CFHR3: variants seen among roughly 807,000 people sequenced by gnomAD.
The protein encoded by CFHR3 is complement factor H related 3.
A neutral mutation model predicts 36.0 loss-of-function variants in CFHR3; 22 were observed. That is an observed-to-expected ratio of 0.61 (90% CI 0.44 to 0.87). The LOEUF (loss-of-function observed/expected upper bound fraction) is 0.87, where lower values mean the gene tolerates loss of function less well. Among genes scored for constraint, CFHR3 ranks in the 40% least tolerant of loss-of-function variants. The probability of loss-of-function intolerance (pLI) is 0.00; values close to 1 mark genes in which losing one functional copy is unlikely to be tolerated. For synonymous variants in CFHR3, 97 were observed against 137.4 expected, an observed-to-expected ratio of 0.71 and a Z score of 2.06; for missense variants, 276 against 401.3, an observed-to-expected ratio of 0.69 and a Z score of 2.67.
Position 196,793,317 on chromosome 1 carries a change from A to T in CFHR3, c.797A>T (p.His266Leu). Residue 266 changes from histidine (H) to leucine (L), a missense_variant and splice_region_variant, in exon 6 of 6, where the codon CAT becomes CTT. By Grantham distance (99) the His-to-Leu change is moderately conservative. Around this residue, in one of 3 missense-constraint regions of CFHR3, gnomAD observed 76 missense variants for 79.8 expected, o/e 0.95. Transcript: ENST00000367425. Reference protein sequence around the residue: ...GEWSEPPRCIHPCIITEENMN... With the variant: ...GEWSEPPRCILPCIITEENMN... ...GTTAATTGTTTTTTTCTGCTTTCAG[A>T]TCCATGTATAATAACTGAAGAAAAC... The T allele has an allele frequency of 6.6e-7, 1 of 1,507,536 alleles. No individual in the cohort carries two copies. 93.4% of individuals were successfully genotyped at this position (1,507,536 alleles called of 1,614,324 possible). A position where few individuals can be genotyped will look rare whatever the true frequency, so the allele number is the denominator to read the frequency against.
In CFHR3 at chr1:196,776,994, C is replaced by T. The variant is rs367600940; in HGVS notation, c.58+2050C>T. 3.7e-5 allele frequency among the ~76,000 whole-genome samples: 5 copies of T among 134,164 alleles called. No individual in the cohort carries two copies. In the East Asian group the frequency reaches 9.9e-4, roughly 26 times the overall value. The allele number at this position is 134,164 out of a possible 152,430, so 88.0% of individuals were successfully genotyped here. On this transcript the variant is annotated intron_variant, in intron 1 of 5. Transcript: ENST00000367425. Reference sequence around the variant, plus strand: ...CATCTATATTCAGAATCTAGTAAATCGAATCAGCAAATATTTTTCATATGA... The same window carrying T: ...CATCTATATTCAGAATCTAGTAAATTGAATCAGCAAATATTTTTCATATGA...
At position 196,786,685 on chromosome 1, in the gene CFHR3, C is replaced by T. The variant is rs1227616198; in HGVS notation, c.431-1531C>T. ...GCGCAGTATTAGGGTGGGAGTGACCCGATTTTCCAGGTGCCGTGTGTCACC... is the reference window on the plus strand; with the variant it reads ...GCGCAGTATTAGGGTGGGAGTGACCTGATTTTCCAGGTGCCGTGTGTCACC... On this transcript the variant is annotated intron_variant, in intron 3 of 5. Transcript: ENST00000367425. 2.9e-5 allele frequency among the ~76,000 whole-genome samples: 4 copies of T among 136,554 alleles called. 1 individual carries two copies. Among genetic ancestry groups the T allele is most frequent in the Non-Finnish European group, 6.2e-5 (4 of 64,420 alleles). The allele number at this position is 136,554 out of a possible 152,430, so 89.6% of individuals were successfully genotyped here. A position where few individuals can be genotyped will look rare whatever the true frequency, so the allele number is the denominator to read the frequency against.
Position 196,775,387 on chromosome 1 carries a change from T to G in CFHR3, c.58+443T>G, listed in dbSNP as rs1335659062. ...ATATATCAAAAAATCAAATAATACA[T>G]TTTAAATTATGCAGTTTCTTATATT... On this transcript the variant is annotated intron_variant, in intron 1 of 5. Coordinates refer to ENST00000367425, the MANE Select transcript of CFHR3 (RefSeq NM_021023.6). Among the ~76,000 whole-genome samples the G allele has an allele frequency of 2.2e-5, 3 of 137,012 alleles. 1 individual carries two copies. Among genetic ancestry groups the G allele is most frequent in the African/African-American group, 9.1e-5 (3 of 33,052 alleles). The allele number at this position is 137,012 out of a possible 152,430, so 89.9% of individuals were successfully genotyped here.
Position 196,789,251 on chromosome 1 carries a change from C to A in CFHR3, c.614-794C>A. ...TTTTTAGTCATGAGATAATATGGAA[C>A]CTTGATACATAATACAACATGGAAG... On this transcript the variant is annotated intron_variant, in intron 4 of 5. Transcript: ENST00000367425. The A allele has an allele frequency of 7.5e-6, 6 of 803,406 alleles. 2 individuals carry two copies. Among genetic ancestry groups the A allele is most frequent in the Non-Finnish European group, 8.9e-6 (6 of 671,240 alleles). The allele number at this position is 803,406 out of a possible 1,614,324, so 49.8% of individuals were successfully genotyped here. A position where few individuals can be genotyped will look rare whatever the true frequency, so the allele number is the denominator to read the frequency against.
At chr1:196,792,163 A>T (rs747836630) in intron 5 of CFHR3, among the ~76,000 whole-genome samples, 1 of 121,608 alleles carries the variant, frequency 8.2e-6, no homozygotes, top group Non-Finnish European at 1.7e-5. Flanking sequence ...AATTGTAAAC[A>T]GCCCCTGAAT....
At chr1:196,780,718 T>A (rs1324675567) in intron 3 of CFHR3, among the ~76,000 whole-genome samples, 1 of 136,778 alleles carries the variant, frequency 7.3e-6, no homozygotes, top group Admixed American at 7.1e-5. Flanking sequence ...TCTTTCCTTT[T>A]TTCTGCATTA....
rs1359951243 is a variant in CFHR3, at chr1:196,786,297, C to T, written c.431-1919C>T. 1.5e-5 allele frequency among the ~76,000 whole-genome samples: 2 copies of T among 135,156 alleles called. 1 individual carries two copies. Among genetic ancestry groups the T allele is most frequent in the Non-Finnish European group, 3.1e-5 (2 of 64,136 alleles). 88.7% of individuals were successfully genotyped at this position (135,156 alleles called of 152,430 possible). A position where few individuals can be genotyped will look rare whatever the true frequency, so the allele number is the denominator to read the frequency against. On this transcript the variant is annotated intron_variant, in intron 3 of 5. Coordinates refer to ENST00000367425, the MANE Select transcript of CFHR3 (RefSeq NM_021023.6). ...GGCAGTCTGCCCGTTCTCAGATCTC[C>T]AGCTGCGTGCTGGGAGAACCACTGC...
chr1:196,779,602 A>T (rs1230010130), intron 2 of CFHR3, among the ~76,000 whole-genome samples, 195 bp from the exon 3 acceptor site: 1 of 137,116 alleles, frequency 7.3e-6, no homozygotes, highest in Non-Finnish European at 1.5e-5. Flanking sequence ...TGAAAACTAA[A>T]GAGAAGTAAT....
chr1:196,788,955 G>A lies in CFHR3; in HGVS notation c.613+557G>A. 3 of 1,350,244 alleles carry A rather than the reference G, an allele frequency of 2.2e-6. 1 individual carries two copies. The highest frequency in any genetic ancestry group is 2.9e-6 in the Non-Finnish European group (3 of 1,046,896). The allele number at this position is 1,350,244 out of a possible 1,614,324, so 83.6% of individuals were successfully genotyped here. A position where few individuals can be genotyped will look rare whatever the true frequency, so the allele number is the denominator to read the frequency against. ...AAGTAAAGGAAAAGGGTAAGTGGGTGGGCTGAATGTTTACAAACCTCATAC... is the reference window on the plus strand; with the variant it reads ...AAGTAAAGGAAAAGGGTAAGTGGGTAGGCTGAATGTTTACAAACCTCATAC... On this transcript the variant is annotated intron_variant, in intron 4 of 5. Coordinates refer to ENST00000367425, the MANE Select transcript of CFHR3 (RefSeq NM_021023.6).
At chr1:196,779,699 G>T in intron 2 of CFHR3, 98 bp from the exon 3 acceptor site, 1 of 1,354,904 alleles carries the variant, frequency 7.4e-7, no homozygotes, top group Non-Finnish European at 9.8e-7. Context: ...ATGTTTATGC[G>T]ATCTTATTTA....
intron 1 of CFHR3, among the ~76,000 whole-genome samples, chr1:196,776,890 G>T (rs1653744858): frequency 7.4e-6 from 1 of 135,286 alleles, no homozygotes; most frequent in Non-Finnish European, 1.6e-5. Flanking sequence ...CATCAGAATT[G>T]GGTAATTATA....
chr1:196,791,938 T>C lies in CFHR3; in HGVS notation c.797-1379T>C, dbSNP rs1220045926. ...ATCTGAAGATATAAGATCAGTTCTA[T>C]GATACAAGCAAGACTTTCAGTCTTC... On this transcript the variant is annotated intron_variant, in intron 5 of 5. Coordinates refer to ENST00000367425, the MANE Select transcript of CFHR3 (RefSeq NM_021023.6). Among the ~76,000 whole-genome samples the C allele has an allele frequency of 2.2e-5, 3 of 135,268 alleles. 1 individual carries two copies. Among genetic ancestry groups the C allele is most frequent in the East Asian group, 2.0e-4 (1 of 5,052 alleles). 88.7% of individuals were successfully genotyped at this position (135,268 alleles called of 152,430 possible). A position where few individuals can be genotyped will look rare whatever the true frequency, so the allele number is the denominator to read the frequency against.
Position 196,794,784 on chromosome 1 carries a change from G to T in CFHR3, c.*1271G>T. On this transcript the variant is annotated 3_prime_UTR_variant, in exon 6 of 6. Coordinates refer to ENST00000367425, the MANE Select transcript of CFHR3 (RefSeq NM_021023.6). Reference sequence around the variant, plus strand: ...CCAGTTAGCATATGGTTAGTGAGAAGTTGCAGGGTAAGAAGAAAACAATGT... The same window carrying T: ...CCAGTTAGCATATGGTTAGTGAGAATTTGCAGGGTAAGAAGAAAACAATGT... The T allele has an allele frequency of 3.8e-6, 1 of 264,924 alleles. No homozygotes were observed. The highest frequency in any genetic ancestry group is 7.2e-6 in the Non-Finnish European group (1 of 139,180). The allele number at this position is 264,924 out of a possible 1,614,324, so 16.4% of individuals were successfully genotyped here.
chr1:196,793,634 A>C lies in CFHR3; in HGVS notation c.*121A>C, dbSNP rs1455102283. On this transcript the variant is annotated 3_prime_UTR_variant, in exon 6 of 6. Coordinates refer to ENST00000367425, the MANE Select transcript of CFHR3 (RefSeq NM_021023.6). ...TGTAATTTCTACTTTATTTCAAAGA[A>C]AATTAATATAATAGTTTCAATTTGC... 5 of 957,756 alleles carry C rather than the reference A, an allele frequency of 5.2e-6. 1 individual carries two copies. The highest frequency in any genetic ancestry group is 7.6e-6 in the Non-Finnish European group (5 of 660,888). 59.3% of individuals were successfully genotyped at this position (957,756 alleles called of 1,614,324 possible).
intron 3 of CFHR3, among the ~76,000 whole-genome samples, chr1:196,784,487 C>G (rs1297715626): frequency 1.5e-5 from 2 of 135,700 alleles, no homozygotes; most frequent in African/African-American, 6.2e-5. Context: ...CTGGGTGCTC[C>G]TGTATTGGGT....
intron 1 of CFHR3, 79 bp downstream of exon 1, chr1:196,775,023 A>C: frequency 8.4e-7 from 1 of 1,189,728 alleles, no homozygotes; most frequent in Non-Finnish European, 1.2e-6. Context: ...TATGTCTATA[A>C]TTATTTTATG....
Position 196,780,068 on chromosome 1 carries a change from G to C in CFHR3, c.430+95G>C. The stretch of plus-strand genomic sequence containing the variant: ...TTGTCTATATTAACTGTGGCAAAAT[G>C]TTTTTGTCAACTTGTTTTGCCAACG... On this transcript the variant is annotated intron_variant, in intron 3 of 5. Coordinates refer to ENST00000367425, the MANE Select transcript of CFHR3 (RefSeq NM_021023.6). 2 of 1,447,030 alleles carry C rather than the reference G, an allele frequency of 1.4e-6. 1 individual carries two copies. Among genetic ancestry groups the C allele is most frequent in the South Asian group, 2.7e-5 (2 of 75,130 alleles). The allele number at this position is 1,447,030 out of a possible 1,614,324, so 89.6% of individuals were successfully genotyped here.
At position 196,790,389 on chromosome 1, in the gene CFHR3, G is replaced by A. The variant is rs576137622; in HGVS notation, c.796+162G>A. 9.7e-3 allele frequency among the ~76,000 whole-genome samples: 1,221 copies of A among 125,766 alleles called. 226 individuals are homozygous for A. Among genetic ancestry groups the A allele is most frequent in the African/African-American group, 0.041 (1,137 of 27,530 alleles). The allele number at this position is 125,766 out of a possible 152,430, so 82.5% of individuals were successfully genotyped here. ...CAGATCTTAATATATAAGTGTATAA[G>A]CTTGGAAAATTCCATGTAAACAATG... On this transcript the variant is annotated intron_variant, in intron 5 of 5. Transcript: ENST00000367425.
chr1:196,779,224 C>T lies in CFHR3; in HGVS notation c.121C>T (p.Pro41Ser), dbSNP rs770365882. Reference sequence around the variant, plus strand: ...TCTATTTCATGAGAATATGCGTAGACCATACTTTCCAGTAGCTGTAGGAAA... The same window carrying T: ...TCTATTTCATGAGAATATGCGTAGATCATACTTTCCAGTAGCTGTAGGAAA... ...GGLFHENMRR[P>S]YFPVAVGKYY... Residue 41 changes from proline to serine, a missense_variant, in exon 2 of 6, where the codon CCA becomes TCA. Physicochemically the swap from Pro to Ser is moderately conservative, Grantham distance 74 (BLOSUM62 -1). This residue lies in a region of CFHR3 where 178 missense variants were observed against 247.2 expected (regional missense o/e 0.72). Coordinates refer to ENST00000367425, the MANE Select transcript of CFHR3 (RefSeq NM_021023.6). The T allele has an allele frequency of 1.3e-6, 2 of 1,529,184 alleles. No homozygotes were observed. The highest frequency in any genetic ancestry group is 2.2e-5 in the East Asian group (1 of 44,612). The allele number at this position is 1,529,184 out of a possible 1,614,324, so 94.7% of individuals were successfully genotyped here.
Sources: gnomAD v4.1 joint callset for allele counts (sites outside exome capture counted in the v4.1 genomes callset) on GRCh38, gnomAD v4.1.1 for gene constraint, gnomAD v4.1.1 regional missense constraint, MANE v1.5 for transcripts, NCBI Gene and HGNC (gene_info 2026-07-23, HGNC 2026-07-21) for gene names.